The following COLEC12 variants were observed in gnomAD, a reference collection of about 807,000 sequenced individuals.
COLEC12 encodes the protein collectin-12.
COLEC12 carries 33 observed loss-of-function variants against 71.1 expected under a neutral mutation model. That is an observed-to-expected ratio of 0.46 (90% confidence interval 0.35 to 0.62). The LOEUF (loss-of-function observed/expected upper bound fraction) is 0.62, where lower values mean the gene tolerates loss of function less well. COLEC12 is among the 20% of genes least tolerant of loss of function. COLEC12 has a pLI of 0.00. For synonymous variants in COLEC12, 350 were observed against 353.0 expected, an observed-to-expected ratio of 0.99 and a Z score of 0.10; for missense variants, 765 against 916.1, an observed-to-expected ratio of 0.84 and a Z score of 2.13.
At chr18:364,946 C>G (rs938173289) in intron 2 of COLEC12, among the ~76,000 whole-genome samples, 2 of 152,140 alleles carry the variant, frequency 1.3e-5, no homozygotes, top group African/African-American at 4.8e-5. Context: ...GGGAGTTGAA[C>G]CCAAATCTTT....
intron 8 of COLEC12, among the ~76,000 whole-genome samples, chr18:325,910 C>T (rs1022093572): frequency 2.0e-5 from 3 of 152,072 alleles, no homozygotes; most frequent in South Asian, 4.2e-4. Flanking sequence ...GCAATCCTCC[C>T]GCCTTCGCCT....
At chr18:466,422 C>T (rs941642130) in intron 2 of COLEC12, among the ~76,000 whole-genome samples, 2 of 152,166 alleles carry the variant, frequency 1.3e-5, no homozygotes, top group African/African-American at 4.8e-5. Context: ...CTTTCGCAGA[C>T]TATCCGTGCT....
At chr18:348,257 GAAACAGATTGAACGA>G (rs1914430770) in intron 3 of COLEC12, 94 bp from the exon 4 acceptor site, 2 of 757,508 alleles carry the variant, frequency 2.6e-6, no homozygotes, top group Non-Finnish European at 4.4e-6. Flanking sequence ...TGGAACAAAG[GAAACAGATTGAACGA>G]AAACAGTGTA....
At chr18:373,568 C>A (rs1915048527) in intron 2 of COLEC12, among the ~76,000 whole-genome samples, 1 of 152,206 alleles carries the variant, frequency 6.6e-6, no homozygotes, top group Non-Finnish European at 1.5e-5. Context: ...ATAAACTGTG[C>A]ATGGCTTACA....
intron 2 of COLEC12, among the ~76,000 whole-genome samples, chr18:442,604 T>A (rs1358045731): frequency 6.6e-6 from 1 of 152,228 alleles, no homozygotes; most frequent in African/African-American, 2.4e-5. Context: ...TGACCCCTTC[T>A]TTCTCCAAAC....
intron 2 of COLEC12, among the ~76,000 whole-genome samples, chr18:472,678 C>CAAAAAAAAA (rs765169609): frequency 3.2e-5 from 3 of 93,642 alleles, no homozygotes; most frequent in Non-Finnish European, 4.1e-5. Context: ...GGCCCTGTGA[C>CAAAAAAAAA]AAAAAAAAAA....
In COLEC12 at chr18:346,600, G is replaced by A. The variant is rs139415422; in HGVS notation, c.1022C>T (p.Thr341Met). 1,531 of 1,614,164 alleles carry A rather than the reference G, an allele frequency of 9.5e-4. 16 individuals are homozygous for A. The African/African-American group carries it at 0.018, about 19-fold the overall frequency. Residue 341 changes from threonine to methionine, a missense_variant, in exon 5 of 10, where the codon ACG becomes ATG. Coordinates refer to ENST00000400256, the MANE Select transcript of COLEC12 (RefSeq NM_130386.3). The surrounding 1 kb of genome is among the most constrained non-coding windows in gnomAD (Gnocchi z 4.0). Reference sequence around the variant, plus strand: ...ATTGCTAATGATGTTCACAATATCCGTCTCAAAGAGCTGGAAGCGTTCCTC... The same window carrying A: ...ATTGCTAATGATGTTCACAATATCCATCTCAAAGAGCTGGAAGCGTTCCTC... The part of the protein sequence containing the change: ...QLEERFQLFE[T>M]DIVNIISNIS...
chr18:409,676 A>T (rs1240312654), intron 2 of COLEC12, among the ~76,000 whole-genome samples: 1 of 152,228 alleles, frequency 6.6e-6, no homozygotes, highest in East Asian at 1.9e-4. Context: ...TAGCAATAAT[A>T]CTAGAACATG....
At chr18:456,730 C>T (rs376753278) in intron 2 of COLEC12, among the ~76,000 whole-genome samples, 7 of 152,214 alleles carry the variant, frequency 4.6e-5, no homozygotes, top group South Asian at 2.1e-4. Flanking sequence ...AAGAGCAGCC[C>T]GCTGACTGAG....
In COLEC12 at chr18:335,160, C is replaced by T. The variant is rs1163141778; in HGVS notation, c.1398G>A (p.Lys466=). ...SQGPPGPTGN[K]GQKGEKGEPG... is the part of the protein sequence containing the mutation. ...GCTCCCCCTTCTCTCCTTTCTGTCC[C>T]TTGTTGCCAGTTGGGCCAGGGGGTC... Residue 466 remains lysine, a synonymous_variant, in exon 6 of 10, where the codon AAG becomes AAA. Coordinates refer to ENST00000400256, the MANE Select transcript of COLEC12 (RefSeq NM_130386.3). 1 of 1,612,316 alleles carries T rather than the reference C, an allele frequency of 6.2e-7. No individual in the cohort carries two copies. The highest frequency in any genetic ancestry group is 1.7e-5 in the Admixed American group (1 of 59,784).
chr18:329,745 G>T lies in COLEC12; in HGVS notation c.2063+1923C>A, dbSNP rs543938476. On this transcript the variant is annotated intron_variant, in intron 8 of 9. Transcript: ENST00000400256. ...CAGAGCAGACCTAAAATCTTCTAATGTTCCAAATCAATATTTCGCCACATG... is the reference window on the plus strand; with the variant it reads ...CAGAGCAGACCTAAAATCTTCTAATTTTCCAAATCAATATTTCGCCACATG... 7.2e-5 allele frequency among the ~76,000 whole-genome samples: 11 copies of T among 152,312 alleles called. No homozygotes were observed. In the South Asian group the frequency reaches 2.3e-3, roughly 32 times the overall value.
At chr18:406,236 G>A (rs931305883) in intron 2 of COLEC12, among the ~76,000 whole-genome samples, 20 of 152,136 alleles carry the variant, frequency 1.3e-4, no homozygotes, top group Non-Finnish European at 1.9e-4. Context: ...CAGGCCGGGC[G>A]CAGTGGCTCA....
chr18:370,596 C>T (rs1240399793), intron 2 of COLEC12, among the ~76,000 whole-genome samples: 1 of 152,202 alleles, frequency 6.6e-6, no homozygotes, highest in African/African-American at 2.4e-5. Context: ...ACACTGCATG[C>T]GGTTTAGAAC....
intron 2 of COLEC12, among the ~76,000 whole-genome samples, chr18:397,363 A>T (rs1338878577): frequency 6.6e-6 from 1 of 152,262 alleles, no homozygotes; most frequent in Non-Finnish European, 1.5e-5. Context: ...CTAATAAATT[A>T]TCTACACAGG....
At chr18:457,361 C>G (rs1916893490) in intron 2 of COLEC12, among the ~76,000 whole-genome samples, 1 of 152,182 alleles carries the variant, frequency 6.6e-6, no homozygotes. Flanking sequence ...GGAAACAGAT[C>G]AGCACACTCT....
At chr18:322,193 T>TATACAC (rs146869750) in intron 8 of COLEC12, among the ~76,000 whole-genome samples, 2 of 149,706 alleles carry the variant, frequency 1.3e-5, no homozygotes, top group Non-Finnish European at 3.0e-5. Flanking sequence ...GAGGACATGA[T>TATACAC]ACACACACAC....
intron 2 of COLEC12, among the ~76,000 whole-genome samples, chr18:479,241 GA>G (rs1917363094): frequency 6.6e-6 from 1 of 152,164 alleles, no homozygotes; most frequent in African/African-American, 2.4e-5. Flanking sequence ...TCTCATCGCA[GA>G]AACATGGAAT....
intron 8 of COLEC12, among the ~76,000 whole-genome samples, chr18:322,361 G>A (rs964684861): frequency 6.6e-6 from 1 of 152,188 alleles, no homozygotes; most frequent in African/African-American, 2.4e-5. Context: ...GGTTATGATT[G>A]TCTGGGTGAG....
Position 319,722 on chromosome 18 carries a change from C to A in COLEC12, c.*323G>T. 1 of 351,360 alleles carries A rather than the reference C, an allele frequency of 2.8e-6. No individual in the cohort carries two copies. The highest frequency in any genetic ancestry group is 5.0e-5 in the Admixed American group (1 of 20,158). The allele number at this position is 351,360 out of a possible 1,614,324, so 21.8% of individuals were successfully genotyped here. ...TAAGTTCTTCCCATAACTCAACGAC[C>A]AATGATAACCTTTTTCTGATTGGAG... is the stretch of plus-strand genomic sequence containing the variant. On this transcript the variant is annotated 3_prime_UTR_variant, in exon 10 of 10. Coordinates refer to ENST00000400256, the MANE Select transcript of COLEC12 (RefSeq NM_130386.3).
Sources: allele counts gnomAD v4.1 joint callset (sites outside exome capture counted in the v4.1 genomes callset), GRCh38; gene constraint gnomAD v4.1.1; non-coding constraint Gnocchi (gnomAD v3.1); transcripts MANE v1.5; gene names NCBI Gene and HGNC (gene_info 2026-07-23, HGNC 2026-07-21).